Variants in POLR1B observed in about 807,000 individuals in gnomAD.
POLR1B encodes RNA polymerase I subunit B.
Under a neutral mutation model 105.8 loss-of-function variants are expected in POLR1B, and 30 were observed. The observed-to-expected ratio is 0.28, with a 90% CI of 0.21 to 0.38. POLR1B has a LOEUF of 0.38. POLR1B is among the 10% of genes least tolerant of loss of function. The pLI, the probability that POLR1B is intolerant of heterozygous loss-of-function variation, is 1.00. For missense variants in POLR1B, 976 were observed against 1,435.8 expected (o/e 0.68, Z 5.17); for synonymous variants, 485 against 505.1 (o/e 0.96, Z 0.53).
In POLR1B at chr2:112,562,728, C is replaced by CTT. The variant is rs70965010; in HGVS notation, c.1613-1622_1613-1621dup. On this transcript the variant is annotated intron_variant, in intron 9 of 14. Coordinates refer to ENST00000263331, the MANE Select transcript of POLR1B (RefSeq NM_019014.6). ...TGGCTTGTGACAATTTCTTTTTTTT[C>CTT]TTTTTTTTTTTTTTTTTGCGACGGA... Among the ~76,000 whole-genome samples the CTT allele has an allele frequency of 8.1e-3, 976 of 120,614 alleles. 21 individuals are homozygous for CTT. The highest frequency in any genetic ancestry group is 0.025 in the African/African-American group (770 of 30,220). The allele number at this position is 120,614 out of a possible 152,430, so 79.1% of individuals were successfully genotyped here.
In POLR1B at chr2:112,542,706, C is replaced by G. The variant is rs2241804; in HGVS notation, c.177+35C>G. ...GCGTCCGCCGGCGCCCTTGCCGCGG[C>G]GAGGCCAATCCCAGGGAGGTGGCTG... On this transcript the variant is annotated intron_variant, in intron 1 of 14. Coordinates refer to ENST00000263331, the MANE Select transcript of POLR1B (RefSeq NM_019014.6). 167,302 of 1,605,832 alleles carry G rather than the reference C, an allele frequency of 0.1. 11,315 individuals carry two copies. Among genetic ancestry groups the G allele is most frequent in the East Asian group, 0.32 (14,340 of 44,498 alleles).
chr2:112,567,914 G>A (rs906025203), intron 10 of POLR1B, 53 bp from the exon 11 acceptor site: 4 of 1,499,730 alleles, frequency 2.7e-6, no homozygotes, highest in East Asian at 2.3e-5. Flanking sequence ...GACTGGCAGC[G>A]ACAGCCATGG....
In POLR1B at chr2:112,575,852, C is replaced by A; in HGVS notation, c.*123C>A. 2.8e-6 allele frequency: 3 copies of A among 1,088,196 alleles called. No individual in the cohort carries two copies. Among genetic ancestry groups the A allele is most frequent in the South Asian group, 1.6e-5 (1 of 62,178 alleles). 67.4% of individuals were successfully genotyped at this position (1,088,196 alleles called of 1,614,324 possible). ...TTTCAACGGTGTTAGAACTCTCAACCAAGACCTGAAAACCAAGTATGCAAG... is the reference window on the plus strand; with the variant it reads ...TTTCAACGGTGTTAGAACTCTCAACAAAGACCTGAAAACCAAGTATGCAAG... On this transcript the variant is annotated 3_prime_UTR_variant, in exon 15 of 15. Transcript: ENST00000263331. The surrounding 1 kb of genome is among the most constrained non-coding windows in gnomAD (Gnocchi z 5.3).
intron 12 of POLR1B, among the ~76,000 whole-genome samples, chr2:112,570,246 C>G (rs551591673): frequency 6.6e-6 from 1 of 152,082 alleles, no homozygotes; most frequent in African/African-American, 2.4e-5. Context: ...TACGGTTTCA[C>G]CATGTTGGCC....
Position 112,564,405 on chromosome 2 carries a change from G to GTGAGTGCTACCCTGTCCTGC in POLR1B, c.1655_1674dup (p.Asp559SerfsTer33). 1 of 1,614,232 alleles carries GTGAGTGCTACCCTGTCCTGC rather than the reference G, an allele frequency of 6.2e-7. No individual in the cohort carries two copies. The highest frequency in any genetic ancestry group is 8.5e-7 in the Non-Finnish European group (1 of 1,180,032). On this transcript the variant is annotated frameshift_variant, in exon 10 of 15. Transcript: ENST00000263331. LOFTEE classifies it high-confidence loss of function. ...GATGGAGCTCCCCACCGATCATACAGTGAGTGCTACCCTGTCCTGCTGGAC... is the reference window on the plus strand; with the variant it reads ...GATGGAGCTCCCCACCGATCATACAGTGAGTGCTACCCTGTCCTGCTGAGTGCTACCCTGTCCTGCTGGAC...
intron 10 of POLR1B, among the ~76,000 whole-genome samples, chr2:112,567,404 C>T (rs1684342191): frequency 6.6e-6 from 1 of 151,624 alleles, no homozygotes; most frequent in Non-Finnish European, 1.5e-5. Flanking sequence ...GTTTTTGAGA[C>T]AGGGTCACTC....
At chr2:112,568,159 A>T in intron 11 of POLR1B, 22 bp downstream of exon 11, 1 of 1,601,568 alleles carries the variant, frequency 6.2e-7, no homozygotes, top group Non-Finnish European at 8.6e-7. Flanking sequence ...TGTGTGATGG[A>T]TGAGTGTATG....
intron 9 of POLR1B, among the ~76,000 whole-genome samples, chr2:112,562,499 A>G (rs1280350793): frequency 6.6e-6 from 1 of 152,154 alleles, no homozygotes; most frequent in African/African-American, 2.4e-5. Flanking sequence ...AGTGAGCCAC[A>G]TGAATTTCTC....
intron 12 of POLR1B, among the ~76,000 whole-genome samples, chr2:112,571,111 TCTC>T (rs1293510395): frequency 1.3e-5 from 2 of 152,138 alleles, no homozygotes; most frequent in African/African-American, 4.8e-5. Context: ...GTTTCTTTCT[TCTC>T]TAAGATTTCT....
chr2:112,563,500 C>A (rs1055152315), intron 9 of POLR1B, among the ~76,000 whole-genome samples: 2 of 152,230 alleles, frequency 1.3e-5, no homozygotes, highest in Non-Finnish European at 1.5e-5. Context: ...TCCCCTCAAA[C>A]CCTGCCGCTG....
chr2:112,564,593 T>G, intron 10 of POLR1B, 94 bp downstream of exon 10: 1 of 1,518,330 alleles, frequency 6.6e-7, no homozygotes. Context: ...CGGTCTAGAG[T>G]GATCAAGTGG....
At chr2:112,551,362 A>G (rs1299108264) in intron 5 of POLR1B, among the ~76,000 whole-genome samples, 4 of 152,186 alleles carry the variant, frequency 2.6e-5, no homozygotes, top group Admixed American at 2.0e-4. Context: ...TGCTCTCTAC[A>G]TGGCCCTTTC....
chr2:112,568,526 T>A (rs1684420751), intron 11 of POLR1B, among the ~76,000 whole-genome samples: 1 of 152,192 alleles, frequency 6.6e-6, no homozygotes, highest in South Asian at 2.1e-4. Context: ...CTATTCCCCT[T>A]CACAATTGGT....
rs1683335687 is a variant in POLR1B at position 112,550,955 on chromosome 2, A to G, written c.715A>G (p.Ile239Val). ...LENGTVMLNF[I>V]YRKELFFLPL... Reference sequence around the variant, plus strand: ...AAATGGCACTGTTATGTTGAACTTTATTTACCGAAAAGAACTGTTCTTTCT... The same window carrying G: ...AAATGGCACTGTTATGTTGAACTTTGTTTACCGAAAAGAACTGTTCTTTCT... The change falls in exon 5 of 15, where the codon ATT becomes GTT. Residue 239 changes from isoleucine (I) to valine (V), a missense_variant. Physicochemically the swap from Ile to Val is conservative, Grantham distance 29. This residue lies in a region of POLR1B where 452 missense variants were observed against 616.5 expected (regional missense o/e 0.73). Coordinates refer to ENST00000263331, the MANE Select transcript of POLR1B (RefSeq NM_019014.6). 6.2e-7 allele frequency: 1 copy of G among 1,613,668 alleles called. No homozygotes were observed. The highest frequency in any genetic ancestry group is 8.5e-7 in the Non-Finnish European group (1 of 1,179,586).
chr2:112,542,811 T>C, intron 1 of POLR1B, 140 bp downstream of exon 1: 1 of 1,099,686 alleles, frequency 9.1e-7, no homozygotes, highest in Non-Finnish European at 1.3e-6. Flanking sequence ...GCACAACATG[T>C]TAAACAGGAC....
upstream of POLR1B, chr2:112,542,341 C>T (rs964277469): frequency 1.3e-6 from 2 of 1,549,170 alleles, no homozygotes; most frequent in African/African-American, 2.7e-5. Flanking sequence ...CCCGAGAAAC[C>T]GAAACCGCAG....
rs765814627 is a variant in POLR1B at position 112,575,405 on chromosome 2, A to G, written c.3084A>G (p.Gly1028=). 1 of 1,614,140 alleles carries G rather than the reference A, an allele frequency of 6.2e-7. No individual in the cohort carries two copies. Among genetic ancestry groups the G allele is most frequent in the East Asian group, 2.2e-5 (1 of 44,872 alleles). ...GAGTCACCAACCAGCCTATTGGGGGAAGAAATGTCCAGGGTGGAATCCGTT... is the reference window on the plus strand; with the variant it reads ...GAGTCACCAACCAGCCTATTGGGGGGAGAAATGTCCAGGGTGGAATCCGTT... ...RDRVTNQPIG[G]RNVQGGIRFG... Residue 1028 remains glycine, a synonymous_variant, in exon 15 of 15, where the codon GGA becomes GGG. Coordinates refer to ENST00000263331, the MANE Select transcript of POLR1B (RefSeq NM_019014.6). The surrounding 1 kb of genome is among the most constrained non-coding windows in gnomAD (Gnocchi z 5.3).
intron 6 of POLR1B, 55 bp downstream of exon 6, chr2:112,552,053 C>G: frequency 7.0e-7 from 1 of 1,436,726 alleles, no homozygotes; most frequent in Non-Finnish European, 9.7e-7. Flanking sequence ...GTCAGTGGTT[C>G]TTTGTATTGG....
chr2:112,574,068 C>A (rs1684738313), intron 14 of POLR1B, among the ~76,000 whole-genome samples: 1 of 152,206 alleles, frequency 6.6e-6, no homozygotes, highest in African/African-American at 2.4e-5. Flanking sequence ...AGGTCTCGAA[C>A]TCCTGGGCTC....
Sources: allele counts gnomAD v4.1 joint callset (sites outside exome capture counted in the v4.1 genomes callset), GRCh38; gene constraint gnomAD v4.1.1; regional missense constraint gnomAD v4.1.1; non-coding constraint Gnocchi (gnomAD v3.1); transcripts MANE v1.5; gene names NCBI Gene and HGNC (gene_info 2026-07-23, HGNC 2026-07-21).